The following SLC24A2 variants were observed in gnomAD, a reference collection of about 807,000 sequenced individuals.
SLC24A2 encodes the protein sodium/potassium/calcium exchanger 2.
Under a neutral mutation model 62.0 loss-of-function variants are expected in SLC24A2, and 36 were observed. The ratio of observed to expected loss-of-function variants is 0.58; its 90% CI spans 0.44 to 0.77. The LOEUF is 0.77. SLC24A2 is among the 30% of genes least tolerant of loss of function. The probability of loss-of-function intolerance (pLI) is 0.00; values close to 1 mark genes in which losing one functional copy is unlikely to be tolerated. For missense variants in SLC24A2, 846 were observed against 817.9 expected (o/e 1.03, Z -0.42); for synonymous variants, 358 against 294.0 (o/e 1.22, Z -2.23).
At chr9:19,753,109 A>G (rs1822034172) in intron 2 of SLC24A2, among the ~76,000 whole-genome samples, 1 of 152,056 alleles carries the variant, frequency 6.6e-6, no homozygotes, top group Non-Finnish European at 1.5e-5. Context: ...TTCTTTGCAT[A>G]CTCTAGCTGG....
chr9:19,973,420 G>C, the SLC24A2 span, among the ~76,000 whole-genome samples: 1 of 152,154 alleles, frequency 6.6e-6, no homozygotes, highest in East Asian at 1.9e-4. Context: ...TTCATTTTGT[G>C]GTTGGAAATT....
intron 2 of SLC24A2, among the ~76,000 whole-genome samples, chr9:19,726,898 A>G (rs574780210): frequency 1.5e-3 from 235 of 152,302 alleles, no homozygotes; most frequent in African/African-American, 5.5e-3. Context: ...GCTCCTGGGT[A>G]CATTTTGTTT....
At chr9:20,075,643 A>G in the SLC24A2 span, among the ~76,000 whole-genome samples, 74 of 152,084 alleles carry the variant, frequency 4.9e-4, no homozygotes, top group Non-Finnish European at 8.4e-4. Flanking sequence ...TTTAAATTTT[A>G]CACTCCCCAG....
chr9:19,611,030 G>A (rs1385272074), intron 4 of SLC24A2, among the ~76,000 whole-genome samples: 1 of 152,240 alleles, frequency 6.6e-6, no homozygotes, highest in African/African-American at 2.4e-5. Context: ...AGAGCAGGGA[G>A]AGGGAGAGTG....
At chr9:20,248,369 T>A in the SLC24A2 span, among the ~76,000 whole-genome samples, 2 of 152,204 alleles carry the variant, frequency 1.3e-5, no homozygotes, top group African/African-American at 4.8e-5. Context: ...AAATATGCCA[T>A]AAGCTGAGTT....
At chr9:20,077,400 A>G in the SLC24A2 span, among the ~76,000 whole-genome samples, 2 of 152,102 alleles carry the variant, frequency 1.3e-5, no homozygotes, top group Admixed American at 6.6e-5. Flanking sequence ...TCCTTCATAA[A>G]CCTCAAATAT....
intron 9 of SLC24A2, among the ~76,000 whole-genome samples, chr9:19,525,382 ATTTC>A (rs1833386764): frequency 2.2e-5 from 1 of 45,098 alleles, no homozygotes; most frequent in East Asian, 7.0e-4. Flanking sequence ...TTTTTTTCCT[ATTTC>A]TTTACTTTTT....
intron 2 of SLC24A2, among the ~76,000 whole-genome samples, chr9:19,759,889 C>A (rs539335221): frequency 1.3e-5 from 2 of 152,226 alleles, no homozygotes; most frequent in East Asian, 1.9e-4. Flanking sequence ...CCTGCTATAT[C>A]CTTTTGTTAA....
chr9:20,143,826 A>G, the SLC24A2 span, among the ~76,000 whole-genome samples: 1 of 152,250 alleles, frequency 6.6e-6, no homozygotes, highest in Non-Finnish European at 1.5e-5. Flanking sequence ...TAGTACATCC[A>G]TCATCAAAAT....
At chr9:19,540,612 G>A (rs975173375) in intron 8 of SLC24A2, among the ~76,000 whole-genome samples, 7 of 146,046 alleles carry the variant, frequency 4.8e-5, no homozygotes, top group African/African-American at 1.8e-4. Context: ...AGGGTAACCT[G>A]ACCTTTCTCT....
At chr9:19,659,195 A>G (rs1244680417) in intron 2 of SLC24A2, among the ~76,000 whole-genome samples, 1 of 152,174 alleles carries the variant, frequency 6.6e-6, no homozygotes, top group Non-Finnish European at 1.5e-5. Flanking sequence ...AGAGATTCCA[A>G]TTATGCAGCT....
the SLC24A2 span, among the ~76,000 whole-genome samples, chr9:20,270,520 A>C: frequency 2.6e-5 from 4 of 152,326 alleles, no homozygotes; most frequent in Middle Eastern, 3.4e-3. Context: ...ACTTACAAAA[A>C]GCCTTTAGCT....
intron 7 of SLC24A2, among the ~76,000 whole-genome samples, chr9:19,565,389 C>G (rs1306471189): frequency 6.7e-6 from 1 of 149,996 alleles, no homozygotes; most frequent in Non-Finnish European, 1.5e-5. Context: ...AATAAAATAC[C>G]TAGGAATCCA....
the SLC24A2 span, among the ~76,000 whole-genome samples, chr9:19,887,343 C>T: frequency 6.6e-6 from 1 of 152,224 alleles, no homozygotes; most frequent in South Asian, 2.1e-4. Context: ...TATTTTCTCC[C>T]ATTCTGTAGG....
At chr9:19,544,468 C>T (rs925296248) in intron 8 of SLC24A2, among the ~76,000 whole-genome samples, 8 of 152,114 alleles carry the variant, frequency 5.3e-5, no homozygotes, top group African/African-American at 1.9e-4. Flanking sequence ...TTGATTCTGT[C>T]ATTATGATGC....
the SLC24A2 span, among the ~76,000 whole-genome samples, chr9:19,958,391 A>C: frequency 0.82 from 124,812 of 152,146 alleles, 51,595 homozygotes; most frequent in Non-Finnish European, 0.87. Context: ...TAAAGTCCAC[A>C]CAGAGGTCTG....
chr9:19,851,259 A>T, the SLC24A2 span, among the ~76,000 whole-genome samples: 1 of 151,130 alleles, frequency 6.6e-6, no homozygotes, highest in Non-Finnish European at 1.5e-5. Context: ...TCCTGACCTC[A>T]GGTAATCCAC....
chr9:19,545,333 T>G (rs1318711749), intron 8 of SLC24A2, among the ~76,000 whole-genome samples: 1 of 152,128 alleles, frequency 6.6e-6, no homozygotes, highest in Middle Eastern at 3.2e-3. Flanking sequence ...TCGCGTAACC[T>G]TTTTTCAAGG....
intron 9 of SLC24A2, among the ~76,000 whole-genome samples, chr9:19,523,234 G>T (rs1207899536): frequency 6.6e-6 from 1 of 152,166 alleles, no homozygotes; most frequent in African/African-American, 2.4e-5. Flanking sequence ...GGAGAAAAAT[G>T]GTGGTGTGGT....
Sources: allele counts gnomAD v4.1 joint callset (sites outside exome capture counted in the v4.1 genomes callset), GRCh38; gene constraint gnomAD v4.1.1; transcripts MANE v1.5; gene names NCBI Gene and HGNC (gene_info 2026-07-23, HGNC 2026-07-21).